Variants in SLIT3 observed in about 807,000 individuals in gnomAD.
The protein encoded by SLIT3 is slit guidance ligand 3, also known as slit homolog 3 protein.
Under a neutral mutation model 184.0 loss-of-function variants are expected in SLIT3, and 68 were observed. The ratio of observed to expected loss-of-function variants is 0.37; its 90% CI spans 0.30 to 0.45. The LOEUF is 0.45. Ranked by LOEUF, SLIT3 falls within the 20% of genes least tolerant of loss-of-function variation. The pLI is 1.00. For synonymous variants in SLIT3, 831 were observed against 828.6 expected (o/e 1.00, Z -0.05); for missense variants, 1,707 against 2,026.0 (o/e 0.84, Z 3.02).
At chr5:168,840,363 A>G (rs979876576) in intron 6 of SLIT3, among the ~76,000 whole-genome samples, 8 of 152,080 alleles carry the variant, frequency 5.3e-5, no homozygotes, top group African/African-American at 1.9e-4. Flanking sequence ...CCGAAAAACA[A>G]TTCATGACAT....
At chr5:169,284,318 G>A (rs564959563) in intron 1 of SLIT3, among the ~76,000 whole-genome samples, 2 of 152,310 alleles carry the variant, frequency 1.3e-5, no homozygotes, top group South Asian at 2.1e-4. Flanking sequence ...CTGGGACCCT[G>A]AGCTCCTTTC....
chr5:168,823,425 G>C, intron 6 of SLIT3, 94 bp from the exon 7 acceptor site: 7 of 842,076 alleles, frequency 8.3e-6, no homozygotes, highest in South Asian at 8.0e-5. Flanking sequence ...GGTTGTGACC[G>C]CAAGACCATG....
chr5:168,954,311 T>A (rs1037540438), intron 4 of SLIT3, among the ~76,000 whole-genome samples: 1 of 152,112 alleles, frequency 6.6e-6, no homozygotes, highest in Non-Finnish European at 1.5e-5. Flanking sequence ...CTGGCACATA[T>A]GAGGCTCTCC....
At chr5:168,863,159 G>A (rs1024117389) in intron 5 of SLIT3, among the ~76,000 whole-genome samples, 2 of 152,172 alleles carry the variant, frequency 1.3e-5, no homozygotes, top group Non-Finnish European at 2.9e-5. Flanking sequence ...ATTGAATAAT[G>A]ACTCAATAGT....
chr5:168,957,776 G>A (rs1046362634), intron 4 of SLIT3, among the ~76,000 whole-genome samples: 34 of 152,242 alleles, frequency 2.2e-4, no homozygotes, highest in African/African-American at 7.5e-4. Flanking sequence ...TATGTGTTGG[G>A]GGCGGGAGGG....
intron 4 of SLIT3, among the ~76,000 whole-genome samples, chr5:169,069,894 C>T (rs1049405285): frequency 6.6e-6 from 1 of 152,048 alleles, no homozygotes; most frequent in Non-Finnish European, 1.5e-5. Flanking sequence ...TAGTGGGGAA[C>T]CCTCGGAAAG....
chr5:169,247,608 C>A (rs1281610830), intron 2 of SLIT3, among the ~76,000 whole-genome samples: 2 of 152,186 alleles, frequency 1.3e-5, no homozygotes, highest in Non-Finnish European at 2.9e-5. Flanking sequence ...ATGAGATACA[C>A]CGTTTCCACC....
intron 4 of SLIT3, among the ~76,000 whole-genome samples, chr5:169,070,426 T>A (rs1758503758): frequency 1.3e-5 from 2 of 152,164 alleles, no homozygotes; most frequent in Non-Finnish European, 2.9e-5. Context: ...TCAGGCTGTC[T>A]CTTGTCACTG....
chr5:169,082,150 C>T (rs1326547048), intron 4 of SLIT3, among the ~76,000 whole-genome samples: 7 of 152,160 alleles, frequency 4.6e-5, no homozygotes, highest in African/African-American at 1.4e-4. Flanking sequence ...CTCCACAGGC[C>T]GTAGACATGC....
intron 6 of SLIT3, among the ~76,000 whole-genome samples, chr5:168,840,001 G>A (rs1166703394): frequency 6.6e-6 from 1 of 152,194 alleles, no homozygotes; most frequent in African/African-American, 2.4e-5. Flanking sequence ...TGCTCTCTGG[G>A]TCTTAATCTG....
At chr5:168,686,949 T>C in intron 30 of SLIT3, 30 bp downstream of exon 30, 1 of 1,604,816 alleles carries the variant, frequency 6.2e-7, no homozygotes, top group Non-Finnish European at 8.5e-7. Context: ...GCCCAGGCTG[T>C]CTCCTTCCTG....
intron 4 of SLIT3, among the ~76,000 whole-genome samples, chr5:168,895,842 T>C (rs576773574): frequency 1.5e-5 from 2 of 136,730 alleles, no homozygotes; most frequent in Non-Finnish European, 3.2e-5. Context: ...TTAACACTAA[T>C]AATTAATCCC....
At chr5:168,682,825 T>G (rs1387045797) in intron 32 of SLIT3, among the ~76,000 whole-genome samples, 1 of 152,198 alleles carries the variant, frequency 6.6e-6, no homozygotes, top group Admixed American at 6.5e-5. Context: ...GCCTCTCTTT[T>G]GTACTGTGGT....
intron 16 of SLIT3, among the ~76,000 whole-genome samples, chr5:168,759,037 G>A (rs1755047924): frequency 6.6e-6 from 1 of 152,154 alleles, no homozygotes; most frequent in Non-Finnish European, 1.5e-5. Context: ...AAACACAAGT[G>A]AATTTCGTGT....
At chr5:169,298,709 G>C (rs75585465) in intron 1 of SLIT3, among the ~76,000 whole-genome samples, 9,505 of 152,210 alleles carry the variant, frequency 0.062, 471 homozygotes, top group Admixed American at 0.17. Context: ...GAGTGATAAC[G>C]GTTGTGGGCT....
At chr5:168,795,405 A>G in intron 10 of SLIT3, 102 bp downstream of exon 10, 1 of 854,240 alleles carries the variant, frequency 1.2e-6, no homozygotes, top group South Asian at 1.4e-5. Context: ...GCCCAGGAGG[A>G]ATGGACATGG....
intron 25 of SLIT3, 95 bp from the exon 26 acceptor site, chr5:168,708,195 G>A (rs1372425960): frequency 7.1e-6 from 11 of 1,557,378 alleles, no homozygotes; most frequent in African/African-American, 4.1e-5. Flanking sequence ...CTCAGCCAGC[G>A]CCAGCCCCTT....
intron 4 of SLIT3, among the ~76,000 whole-genome samples, chr5:169,175,217 C>A (rs1012869558): frequency 2.6e-5 from 4 of 152,164 alleles, no homozygotes; most frequent in Non-Finnish European, 5.9e-5. Flanking sequence ...TACAATACAC[C>A]ATTATCCTTG....
At chr5:168,848,789 G>A (rs143565678) in intron 5 of SLIT3, among the ~76,000 whole-genome samples, 5 of 152,198 alleles carry the variant, frequency 3.3e-5, no homozygotes, top group Non-Finnish European at 7.4e-5. Flanking sequence ...AATAATCTCC[G>A]CAAACGGCAG....
Sources: allele counts gnomAD v4.1 joint callset (sites outside exome capture counted in the v4.1 genomes callset), GRCh38; gene constraint gnomAD v4.1.1; transcripts MANE v1.5; gene names NCBI Gene and HGNC (gene_info 2026-07-23, HGNC 2026-07-21).